Variants in LMO7 observed in about 807,000 individuals in gnomAD.
The protein encoded by LMO7 is LIM domain 7.
In LMO7, 120 loss-of-function variants were observed where a neutral mutation model predicts 206.5. That is an observed-to-expected ratio of 0.58 (90% CI 0.50 to 0.68). The LOEUF (loss-of-function observed/expected upper bound fraction) is 0.68. Ranked by LOEUF, LMO7 falls within the 30% of genes least tolerant of loss-of-function variation. The probability of loss-of-function intolerance (pLI) is 0.00; values close to 1 mark genes in which losing one functional copy is unlikely to be tolerated. For missense variants in LMO7, 1,959 were observed against 1,957.9 expected (o/e 1.00, Z -0.01); for synonymous variants, 706 against 681.5 (o/e 1.04, Z -0.56).
chr13:75,775,255 A>G (rs2050222472), intron 4 of LMO7, among the ~76,000 whole-genome samples: 1 of 152,120 alleles, frequency 6.6e-6, no homozygotes, highest in African/African-American at 2.4e-5. Flanking sequence ...CTGGATAGCC[A>G]TATGCAGAAG....
At chr13:75,776,538 T>C (rs1031166237) in intron 4 of LMO7, among the ~76,000 whole-genome samples, 3 of 152,146 alleles carry the variant, frequency 2.0e-5, no homozygotes, top group Non-Finnish European at 4.4e-5. Flanking sequence ...ACATACCCAT[T>C]TTTTGCTACC....
intron 2 of LMO7, chr13:75,627,619 A>G (rs2034376559): frequency 6.6e-6 from 1 of 152,198 alleles, no homozygotes; most frequent in Admixed American, 6.5e-5. Context: ...ACACACAAAT[A>G]AATGTATTTT....
intron 13 of LMO7, among the ~76,000 whole-genome samples, chr13:75,820,567 T>A (rs2057469638): frequency 6.6e-6 from 1 of 152,242 alleles, no homozygotes; most frequent in Admixed American, 6.5e-5. Flanking sequence ...ATTTTGTGAA[T>A]AATCCTTTAT....
intron 3 of LMO7, among the ~76,000 whole-genome samples, chr13:75,745,095 T>C (rs2046729111): frequency 6.6e-6 from 1 of 152,176 alleles, no homozygotes; most frequent in Non-Finnish European, 1.5e-5. Flanking sequence ...CAGGGACATC[T>C]TTCTGAGTTG....
rs2053829689 is a variant in LMO7 at position 75,795,252 on chromosome 13, A to G, written c.318-149A>G. 3 of 552,814 alleles carry G rather than the reference A, an allele frequency of 5.4e-6. No individual in the cohort carries two copies. In the South Asian group the frequency reaches 8.4e-5, roughly 15 times the overall value. The allele number at this position is 552,814 out of a possible 1,614,324, so 34.2% of individuals were successfully genotyped here. On this transcript the variant is annotated intron_variant, in intron 4 of 30. Transcript: ENST00000377534. Reference sequence around the variant, plus strand: ...CAATGAATATGGAAAAATTCTTCTGATGGAGATAATATGAGCTCTAAGAGA... The same window carrying G: ...CAATGAATATGGAAAAATTCTTCTGGTGGAGATAATATGAGCTCTAAGAGA...
intron 3 of LMO7, among the ~76,000 whole-genome samples, chr13:75,732,634 C>T (rs1843295850): frequency 6.6e-6 from 1 of 152,240 alleles, no homozygotes; most frequent in African/African-American, 2.4e-5. Flanking sequence ...TCGTCAAAGT[C>T]ATTCTCTGTC....
chr13:75,737,616 G>A (rs1390295714), intron 3 of LMO7, among the ~76,000 whole-genome samples: 7 of 146,330 alleles, frequency 4.8e-5, no homozygotes, highest in South Asian at 2.2e-4. Flanking sequence ...AGCCGGGCGT[G>A]GTAGCGGGCG....
chr13:75,808,050 G>A lies in LMO7; in HGVS notation c.1767G>A (p.Leu589=), dbSNP rs769083087. The change falls in exon 10 of 31, where the codon CTG becomes CTA. Residue 589 remains leucine (L), a synonymous_variant. Transcript: ENST00000377534. ...ATCGGCAGAAGAAAGATGACATGCT[G>A]ACACGTAAGATTCAGTCCTGGAAAC... The part of the protein sequence containing the change: ...PSYRQKKDDM[L]TRKIQSWKLG... 6.8e-6 allele frequency: 11 copies of A among 1,613,918 alleles called. No homozygotes were observed. The highest frequency in any genetic ancestry group is 1.1e-5 in the South Asian group (1 of 91,056).
At chr13:75,621,887 A>C (rs757669362) in intron 1 of LMO7, 9 of 1,527,192 alleles carry the variant, frequency 5.9e-6, no homozygotes, top group Non-Finnish European at 8.0e-6. Flanking sequence ...AGTTCCTTGA[A>C]TACTTTTATA....
At chr13:75,797,783 A>G (rs2054223970) in intron 6 of LMO7, among the ~76,000 whole-genome samples, 1 of 152,230 alleles carries the variant, frequency 6.6e-6, no homozygotes, top group Non-Finnish European at 1.5e-5. Flanking sequence ...AGATACAGGT[A>G]TTCCTGTTCA....
chr13:75,775,047 GTA>G, intron 4 of LMO7, among the ~76,000 whole-genome samples: 1 of 152,220 alleles, frequency 6.6e-6, no homozygotes, highest in South Asian at 2.1e-4. Context: ...AATATTTTAA[GTA>G]TGTTTTTAGA....
At position 75,798,542 on chromosome 13, in the gene LMO7, A is replaced by C. The variant is rs193243467; in HGVS notation, c.462+1793A>C. Among the ~76,000 whole-genome samples the C allele has an allele frequency of 1.5e-3, 224 of 152,266 alleles. 1 individual carries two copies. The highest frequency in any genetic ancestry group is 5.2e-3 in the African/African-American group (218 of 41,552). Reference sequence around the variant, plus strand: ...TCAAAACCAGAGGAGGTAGTTGAAGACCTTATGGTGTATAAAACTAAGGTT... The same window carrying C: ...TCAAAACCAGAGGAGGTAGTTGAAGCCCTTATGGTGTATAAAACTAAGGTT... On this transcript the variant is annotated intron_variant, in intron 6 of 30. Coordinates refer to ENST00000377534, the MANE Select transcript of LMO7 (RefSeq NM_001306080.2).
chr13:75,818,776 T>G (rs1451479174), intron 12 of LMO7, among the ~76,000 whole-genome samples: 2 of 152,176 alleles, frequency 1.3e-5, no homozygotes, highest in Non-Finnish European at 2.9e-5. Flanking sequence ...GGACCCATGG[T>G]CTTCTTAGGA....
At position 75,821,159 on chromosome 13, in the gene LMO7, G is replaced by A. The variant is rs140226380; in HGVS notation, c.2208-18G>A. On this transcript the variant is annotated intron_variant, in intron 13 of 30. Coordinates refer to ENST00000377534, the MANE Select transcript of LMO7 (RefSeq NM_001306080.2). Reference sequence around the variant, plus strand: ...AAATGTGTGTCTTTGTGGTGATGGTGCATTTCTCTCCGCTAAGGGAATCCC... The same window carrying A: ...AAATGTGTGTCTTTGTGGTGATGGTACATTTCTCTCCGCTAAGGGAATCCC... 391 of 1,568,970 alleles carry A rather than the reference G, an allele frequency of 2.5e-4. 2 individuals are homozygous for A. The African/African-American group carries it at 4.8e-3, about 19-fold the overall frequency.
At chr13:75,734,966 T>C (rs2045654807) in intron 3 of LMO7, among the ~76,000 whole-genome samples, 1 of 152,046 alleles carries the variant, frequency 6.6e-6, no homozygotes, top group South Asian at 2.1e-4. Context: ...GGTATGGCTC[T>C]GTGTGCCTGT....
Position 75,821,459 on chromosome 13 carries a change from A to G in LMO7, c.2490A>G (p.Ser830=). 2 of 1,614,154 alleles carry G rather than the reference A, an allele frequency of 1.2e-6. No individual in the cohort carries two copies. Among genetic ancestry groups the G allele is most frequent in the South Asian group, 2.2e-5 (2 of 91,084 alleles). The change falls in exon 14 of 31, where the codon TCA becomes TCG. Residue 830 remains serine, a synonymous_variant. Transcript: ENST00000377534. ...CAGCCTCTTTGTCTTCTCTGCGTTC[A>G]CGGAGCACACAAATGGAATCAACTC... ...QSPASLSSLR[S]RSTQMESTRV... is the part of the protein sequence containing the mutation.
At chr13:75,778,072 A>G (rs2050774710) in intron 4 of LMO7, among the ~76,000 whole-genome samples, 2 of 152,340 alleles carry the variant, frequency 1.3e-5, no homozygotes, top group Admixed American at 6.5e-5. Flanking sequence ...TTATGAGGAC[A>G]TTTTAAAACC....
intron 16 of LMO7, among the ~76,000 whole-genome samples, 197 bp from the exon 17 acceptor site, chr13:75,834,029 A>G (rs540192967): frequency 1.6e-4 from 25 of 152,280 alleles, no homozygotes; most frequent in African/African-American, 6.0e-4. Flanking sequence ...TGCATTCTAT[A>G]GAACTTCAAA....
At chr13:75,752,603 C>T (rs1395122045) in intron 3 of LMO7, among the ~76,000 whole-genome samples, 3 of 152,172 alleles carry the variant, frequency 2.0e-5, no homozygotes, top group Non-Finnish European at 4.4e-5. Flanking sequence ...CCCCACAATG[C>T]TGTGAGTCCC....
Sources: allele counts gnomAD v4.1 joint callset (sites outside exome capture counted in the v4.1 genomes callset), GRCh38; gene constraint gnomAD v4.1.1; transcripts MANE v1.5; gene names NCBI Gene and HGNC (gene_info 2026-07-23, HGNC 2026-07-21).